Variants in SLC9C2 observed in about 807,000 individuals in gnomAD.
SLC9C2 encodes sodium/hydrogen exchanger 11.
A neutral mutation model predicts 140.2 loss-of-function variants in SLC9C2; 75 were observed. That is an observed-to-expected ratio of 0.53 (90% CI 0.44 to 0.65). The LOEUF is 0.65. SLC9C2 is among the 30% of genes least tolerant of loss of function. The pLI is 0.00. For synonymous variants in SLC9C2, 375 were observed against 420.9 expected, an observed-to-expected ratio of 0.89 and a Z score of 1.34; for missense variants, 1,074 against 1,331.8, an observed-to-expected ratio of 0.81 and a Z score of 3.01.
At chr1:173,529,310 TC>T (rs1345007153) in intron 18 of SLC9C2, among the ~76,000 whole-genome samples, 1 of 152,030 alleles carries the variant, frequency 6.6e-6, no homozygotes, top group East Asian at 1.9e-4. Context: ...CGTTCCACTT[TC>T]CCCACTCTTT....
At chr1:173,520,166 T>A (rs1660709787) in intron 22 of SLC9C2, among the ~76,000 whole-genome samples, 2 of 152,046 alleles carry the variant, frequency 1.3e-5, no homozygotes, top group Non-Finnish European at 2.9e-5. Flanking sequence ...AGTGGCAGGA[T>A]CTCGGATTCT....
chr1:173,536,989 G>T lies in SLC9C2; in HGVS notation c.1608C>A (p.Ala536=). The T allele has an allele frequency of 6.2e-7, 1 of 1,613,600 alleles. No homozygotes were observed. Among genetic ancestry groups the T allele is most frequent in the Non-Finnish European group, 8.5e-7 (1 of 1,179,812 alleles). The change falls in exon 14 of 28, where the codon GCC becomes GCA. Residue 536 remains alanine, a synonymous_variant. Transcript: ENST00000367714. ...RNNGILEIEA[A]RILIGAAKCY... ...ATTTTGCTGCACCAATTAATATCCG[G>T]GCTGCCTCTATTTCAAGAATTCCAT...
intron 9 of SLC9C2, among the ~76,000 whole-genome samples, chr1:173,571,038 C>CT (rs1228564707): frequency 6.6e-6 from 1 of 152,070 alleles, no homozygotes; most frequent in East Asian, 1.9e-4. Context: ...TATGAAGGTG[C>CT]TTTTTTGTGT....
intron 23 of SLC9C2, among the ~76,000 whole-genome samples, chr1:173,517,118 GA>G (rs1660475951): frequency 6.6e-6 from 1 of 152,074 alleles, no homozygotes; most frequent in Admixed American, 6.5e-5. Flanking sequence ...GTCTTCTTTT[GA>G]AAAGTATCTG....
intron 12 of SLC9C2, 98 bp from the exon 13 acceptor site, chr1:173,547,882 T>C (rs1571530068): frequency 1.2e-6 from 1 of 823,532 alleles, no homozygotes; most frequent in Non-Finnish European, 1.9e-6. Context: ...CAACAAAGAT[T>C]CCAATAATTC....
At chr1:173,598,148 G>A (rs1666547702) in intron 3 of SLC9C2, 116 bp from the exon 4 acceptor site, 1 of 1,136,584 alleles carries the variant, frequency 8.8e-7, no homozygotes, top group Non-Finnish European at 1.2e-6. Flanking sequence ...CAGCTAACGA[G>A]AGAGTATCTA....
In SLC9C2 at chr1:173,535,932, T is replaced by C. The variant is rs1400164431; in HGVS notation, c.1673A>G (p.Asp558Gly). Residue 558 changes from aspartate (D) to glycine (G), a missense_variant, in exon 15 of 28, where the codon GAT (aspartate) becomes GGT (glycine). By Grantham distance (94) the Asp-to-Gly change is moderately conservative. Transcript: ENST00000367714. ...TCTAGTTCTCATATAAGTTGAAACATCATAAATACTCATGAATCTAACAGA... is the reference window on the plus strand; with the variant it reads ...TCTAGTTCTCATATAAGTTGAAACACCATAAATACTCATGAATCTAACAGA... ...SIQGKFMSIY[D>G]VSTYMRTRSW... The C allele has an allele frequency of 6.7e-7, 1 of 1,502,770 alleles. No homozygotes were observed. Among genetic ancestry groups the C allele is most frequent in the Non-Finnish European group, 8.9e-7 (1 of 1,119,112 alleles). The allele number at this position is 1,502,770 out of a possible 1,614,324, so 93.1% of individuals were successfully genotyped here.
Position 173,521,328 on chromosome 1 carries a change from G to T in SLC9C2, c.2712C>A (p.Ile904=). Residue 904 remains isoleucine (I), a synonymous_variant, in exon 22 of 28, where the codon ATC becomes ATA. Transcript: ENST00000367714. ...ICKGGEMPQG[I]YLIISGMAIL... is the part of the protein sequence containing the mutation. ...TTGCCATTCCTGAAATAATTAAGTA[G>T]ATTCCTTGTGGCATTTCACCTCCTT... is the stretch of plus-strand genomic sequence containing the variant. 1 of 1,534,374 alleles carries T rather than the reference G, an allele frequency of 6.5e-7. No homozygotes were observed. The highest frequency in any genetic ancestry group is 8.7e-7 in the Non-Finnish European group (1 of 1,148,824).
intron 9 of SLC9C2, among the ~76,000 whole-genome samples, chr1:173,568,069 G>A (rs1664598657): frequency 6.6e-6 from 1 of 152,102 alleles, no homozygotes; most frequent in Admixed American, 6.5e-5. Context: ...TACAACAAAT[G>A]TAGTTTGTCA....
Position 173,548,541 on chromosome 1 carries a change from G to A in SLC9C2, c.1309C>T (p.Leu437Phe), listed in dbSNP as rs990555327. The stretch of plus-strand genomic sequence containing the variant: ...AAGATCATTTGTCTTGGGAGGGAAA[G>A]AACACACAAATCTGTGACAAAGACA... ...QSARKLDLCV[L>F]SLPRQMILQN... is the part of the protein sequence containing the mutation. Residue 437 changes from leucine (L) to phenylalanine (F), a missense_variant, in exon 12 of 28, where the codon CTT becomes TTT. By Grantham distance (22) the Leu-to-Phe change is conservative. Transcript: ENST00000367714. 1 of 1,613,442 alleles carries A rather than the reference G, an allele frequency of 6.2e-7. No individual in the cohort carries two copies. Among genetic ancestry groups the A allele is most frequent in the African/African-American group, 1.3e-5 (1 of 74,878 alleles).
chr1:173,529,853 T>G, intron 18 of SLC9C2, 52 bp downstream of exon 18: 2 of 1,557,672 alleles, frequency 1.3e-6, no homozygotes, highest in East Asian at 2.2e-5. Context: ...TTAAAAGAAG[T>G]TAATACACCT....
intron 13 of SLC9C2, among the ~76,000 whole-genome samples, chr1:173,542,779 T>G (rs1453641219): frequency 6.6e-6 from 1 of 152,220 alleles, no homozygotes; most frequent in Non-Finnish European, 1.5e-5. Flanking sequence ...TCTCAATAGA[T>G]GCAGGAAAGG....
chr1:173,509,767 A>T, intron 23 of SLC9C2, 68 bp from the exon 24 acceptor site: 1 of 1,487,648 alleles, frequency 6.7e-7, no homozygotes, highest in Non-Finnish European at 9.0e-7. Context: ...ATCAAAAAAC[A>T]AGATGCCTGC....
chr1:173,587,717 G>A lies in SLC9C2; in HGVS notation c.471C>T (p.Ile157=), dbSNP rs770786175. ...WDLQSCLLFS[I]TLGIIDPLRS... is the part of the protein sequence containing the mutation. ...GAAGAGGATCTATAATGCCAAGGGT[G>A]ATGCTAAAGAGTAGGCAAGATTGCA... Residue 157 remains isoleucine (I), a synonymous_variant, in exon 5 of 28, where the codon ATC becomes ATT. Coordinates refer to ENST00000367714, the MANE Select transcript of SLC9C2 (RefSeq NM_178527.4). The A allele has an allele frequency of 6.2e-7, 1 of 1,613,568 alleles. No homozygotes were observed. The highest frequency in any genetic ancestry group is 8.5e-7 in the Non-Finnish European group (1 of 1,179,752).
rs768843061 is a variant in SLC9C2, at chr1:173,554,804, T to C, written c.1226A>G (p.Tyr409Cys). 29 of 1,586,966 alleles carry C rather than the reference T, an allele frequency of 1.8e-5. No individual in the cohort carries two copies. Among genetic ancestry groups the C allele is most frequent in the Non-Finnish European group, 2.5e-5 (29 of 1,156,578 alleles). Residue 409 changes from tyrosine to cysteine, a missense_variant, in exon 11 of 28, where the codon TAT (tyrosine) becomes TGT (cysteine). Physicochemically the swap from Tyr to Cys is radical, Grantham distance 194. Transcript: ENST00000367714. ...TGTCAATAATGATATTACTTGTACA[T>C]AGAGTATAAACTAAAAACAAAGCAC... ...KVEVPQMFIL[Y>C]VQVISLLTMG...
intron 19 of SLC9C2, among the ~76,000 whole-genome samples, chr1:173,526,188 T>TGC (rs1475007127): frequency 1.3e-5 from 2 of 152,196 alleles, no homozygotes; most frequent in African/African-American, 4.8e-5. Context: ...TCCTGCTCTG[T>TGC]GCTTCAAATA....
In SLC9C2 at chr1:173,501,058, A is replaced by T. The variant is rs749573276; in HGVS notation, c.*36T>A. On this transcript the variant is annotated 3_prime_UTR_variant, in exon 28 of 28. Transcript: ENST00000367714. ...ACCTGACTCCACACATCATATTTGT[A>T]TCATTAATACCCTTTTCTAAAATGG... 6.6e-7 allele frequency: 1 copy of T among 1,510,134 alleles called. No homozygotes were observed. 93.5% of individuals were successfully genotyped at this position (1,510,134 alleles called of 1,614,324 possible). A position where few individuals can be genotyped will look rare whatever the true frequency, so the allele number is the denominator to read the frequency against.
At chr1:173,521,268 T>TAAAAA in intron 22 of SLC9C2, 33 bp downstream of exon 22, 1 of 972,642 alleles carries the variant, frequency 1.0e-6, no homozygotes, top group Non-Finnish European at 1.5e-6. Context: ...ACATTTTAAG[T>TAAAAA]AAAAAAAAAA....
chr1:173,502,272 C>CAAAA lies in SLC9C2; in HGVS notation c.3371+990_3371+993dup, dbSNP rs34183286. Among the ~76,000 whole-genome samples the CAAAA allele has an allele frequency of 3.4e-3, 139 of 40,730 alleles. 9 individuals are homozygous for CAAAA. The highest frequency in any genetic ancestry group is 9.1e-3 in the African/African-American group (123 of 13,452). 26.7% of individuals were successfully genotyped at this position (40,730 alleles called of 152,430 possible). A position where few individuals can be genotyped will look rare whatever the true frequency, so the allele number is the denominator to read the frequency against. Reference sequence around the variant, plus strand: ...CATGTGACAGAGTGAGATTCCATCTCAAAAAAAAAAAAAAAAAAAAAAAAA... The same window carrying CAAAA: ...CATGTGACAGAGTGAGATTCCATCTCAAAAAAAAAAAAAAAAAAAAAAAAAAAAA... On this transcript the variant is annotated intron_variant, in intron 27 of 27. Transcript: ENST00000367714.
Sources: allele counts gnomAD v4.1 joint callset (sites outside exome capture counted in the v4.1 genomes callset), GRCh38; gene constraint gnomAD v4.1.1; transcripts MANE v1.5; gene names NCBI Gene and HGNC (gene_info 2026-07-23, HGNC 2026-07-21).